The following SLC5A12 variants were observed in gnomAD, a reference collection of about 807,000 sequenced individuals.
The protein encoded by SLC5A12 is solute carrier family 5 member 12, also known as sodium-coupled monocarboxylate transporter 2.
Under a neutral mutation model 72.7 loss-of-function variants are expected in SLC5A12, and 46 were observed. The observed-to-expected ratio is 0.63, with a 90% CI of 0.50 to 0.81. The LOEUF is 0.81. SLC5A12 is among the 30% of genes least tolerant of loss of function. SLC5A12 has a pLI of 0.00. For missense variants in SLC5A12, 683 were observed against 740.7 expected, an observed-to-expected ratio of 0.92 and a Z score of 0.90; for synonymous variants, 275 against 264.4, an observed-to-expected ratio of 1.04 and a Z score of -0.39.
chr11:26,676,440 A>C (rs1590706375), intron 13 of SLC5A12, among the ~76,000 whole-genome samples: 2 of 152,208 alleles, frequency 1.3e-5, no homozygotes, highest in East Asian at 3.9e-4. Context: ...ATATAAAATA[A>C]TAGATTGATA....
intron 11 of SLC5A12, among the ~76,000 whole-genome samples, 180 bp downstream of exon 11, chr11:26,683,577 C>G (rs3924552): frequency 0.37 from 56,118 of 151,992 alleles, 12,598 homozygotes; most frequent in Non-Finnish European, 0.51. Flanking sequence ...TCTTTCATTT[C>G]TGTACCCAGA....
At chr11:26,690,165 AG>A (rs1854632010) in intron 9 of SLC5A12, among the ~76,000 whole-genome samples, 1 of 152,106 alleles carries the variant, frequency 6.6e-6, no homozygotes, top group Non-Finnish European at 1.5e-5. Flanking sequence ...TGGGATGGGG[AG>A]TGGTGGTGGT....
intron 1 of SLC5A12, among the ~76,000 whole-genome samples, chr11:26,714,718 C>T (rs761233878): frequency 7.2e-5 from 11 of 152,036 alleles, no homozygotes; most frequent in Non-Finnish European, 1.0e-4. Flanking sequence ...TATCCTTTCC[C>T]TAGAAACATT....
At chr11:26,679,245 T>G (rs4462290) in intron 12 of SLC5A12, among the ~76,000 whole-genome samples, 143,104 of 152,064 alleles carry the variant, frequency 0.94, 67,959 homozygotes, top group South Asian at 1. Context: ...AGGTATAAAA[T>G]ACTATGGCAG....
intron 4 of SLC5A12, among the ~76,000 whole-genome samples, chr11:26,708,714 T>C (rs1226536747): frequency 6.6e-6 from 1 of 152,098 alleles, no homozygotes; most frequent in Non-Finnish European, 1.5e-5. Flanking sequence ...GCTCAATGAA[T>C]GTTTAACTAA....
Position 26,684,855 on chromosome 11 carries a change from C to A in SLC5A12, c.1222-1012G>T, listed in dbSNP as rs1046408961. ...TTCTTAAGAGTAAATATTATTGTGG[C>A]GCACAAGACATCAGAAGCAACTTGG... On this transcript the variant is annotated intron_variant, in intron 10 of 14. Transcript: ENST00000396005. Among the ~76,000 whole-genome samples, 4 of 152,076 alleles carry A rather than the reference C, an allele frequency of 2.6e-5. No homozygotes were observed. In the South Asian group the frequency reaches 6.2e-4, roughly 24 times the overall value.
chr11:26,669,744 G>T lies in SLC5A12; in HGVS notation c.*1358C>A, dbSNP rs968775253. ...CTTCTTTCAAGGCTTTCTCTTTTGA[G>T]AAATATTTAAAGACAACCTTTGGAT... On this transcript the variant is annotated 3_prime_UTR_variant, in exon 15 of 15. Transcript: ENST00000396005. 1 of 151,906 alleles carries T rather than the reference G, an allele frequency of 6.6e-6. No homozygotes were observed. The highest frequency in any genetic ancestry group is 6.6e-5 in the Admixed American group (1 of 15,224). 9.4% of individuals were successfully genotyped at this position (151,906 alleles called of 1,614,324 possible).
chr11:26,710,172 C>T (rs1354252243), intron 3 of SLC5A12, among the ~76,000 whole-genome samples: 1 of 152,126 alleles, frequency 6.6e-6, no homozygotes, highest in African/African-American at 2.4e-5. Flanking sequence ...CCAGCTTCAT[C>T]CATGTCCCTA....
At position 26,688,779 on chromosome 11, in the gene SLC5A12, G is replaced by A. The variant is rs192694382; in HGVS notation, c.1154-2235C>T. Among the ~76,000 whole-genome samples, 12 of 152,182 alleles carry A rather than the reference G, an allele frequency of 7.9e-5. No homozygotes were observed. The East Asian group carries it at 2.1e-3, about 27-fold the overall frequency. On this transcript the variant is annotated intron_variant, in intron 9 of 14. Transcript: ENST00000396005. The stretch of plus-strand genomic sequence containing the variant: ...AATAAGTTTAGATGAAGATGGATCC[G>A]GGTATGATAAGGAAAAACTGCAAGG...
At chr11:26,717,647 TA>T (rs1458810069) in intron 1 of SLC5A12, among the ~76,000 whole-genome samples, 3 of 152,178 alleles carry the variant, frequency 2.0e-5, no homozygotes, top group Non-Finnish European at 4.4e-5. Flanking sequence ...TATTGCTATA[TA>T]ACACTCGCCT....
At chr11:26,709,576 T>A (rs898676442) in intron 3 of SLC5A12, among the ~76,000 whole-genome samples, 197 bp from the exon 4 acceptor site, 3 of 152,110 alleles carry the variant, frequency 2.0e-5, no homozygotes, top group Admixed American at 2.0e-4. Flanking sequence ...TTCTATCTAG[T>A]CCATACATTT....
chr11:26,671,047 T>TTGTGAGTGTGTGTG lies in SLC5A12; in HGVS notation c.*54_*55insCACACACACTCACA. On this transcript the variant is annotated 3_prime_UTR_variant, in exon 15 of 15. Coordinates refer to ENST00000396005, the MANE Select transcript of SLC5A12 (RefSeq NM_178498.4). ...CAAGTAGGCAAGAAGTATGTGGAGT[T>TTGTGAGTGTGTGTG]TGTGTGTGTGTGTGTGTATTGCACG... 7.4e-7 allele frequency: 1 copy of TTGTGAGTGTGTGTG among 1,354,116 alleles called. No individual in the cohort carries two copies. Among genetic ancestry groups the TTGTGAGTGTGTGTG allele is most frequent in the Non-Finnish European group, 1.0e-6 (1 of 991,516 alleles). 83.9% of individuals were successfully genotyped at this position (1,354,116 alleles called of 1,614,324 possible).
chr11:26,681,466 T>C (rs1854410715), intron 11 of SLC5A12, among the ~76,000 whole-genome samples: 3 of 152,194 alleles, frequency 2.0e-5, no homozygotes, highest in Admixed American at 6.5e-5. Flanking sequence ...TATTTAGATT[T>C]CTAGCAATAA....
chr11:26,709,322 T>C lies in SLC5A12; in HGVS notation c.515A>G (p.Tyr172Cys), dbSNP rs749128478. 3.1e-6 allele frequency: 5 copies of C among 1,610,936 alleles called. No individual in the cohort carries two copies. Among genetic ancestry groups the C allele is most frequent in the African/African-American group, 1.3e-5 (1 of 74,776 alleles). Residue 172 changes from tyrosine (Y) to cysteine (C), a missense_variant, in exon 4 of 15, where the codon TAC (tyrosine) becomes TGC (cysteine). Coordinates refer to ENST00000396005, the MANE Select transcript of SLC5A12 (RefSeq NM_178498.4). ...CAGCTAGATACATACCAGGGTACAG[T>C]AGAATGTGCAAACAATTCCTGTTGC... is the stretch of plus-strand genomic sequence containing the variant. ...VFATGIVCTF[Y>C]CTLGGLKAVV...
rs748100863 is a variant in SLC5A12, at chr11:26,686,516, A to G, written c.1182T>C (p.Ser394=). Residue 394 remains serine, a synonymous_variant, in exon 10 of 15, where the codon TCT becomes TCC. Transcript: ENST00000396005. ...LCLLFGVMCT[S]MAVAASVMGG... ...CCATGACAGATGCAGCCACAGCCAT[A>G]GAGGTACACATCACGCCAAATAAGA... The G allele has an allele frequency of 9.3e-6, 15 of 1,613,934 alleles. No individual in the cohort carries two copies. The highest frequency in any genetic ancestry group is 1.3e-5 in the Non-Finnish European group (15 of 1,179,940).
At chr11:26,693,115 A>T (rs935589105) in intron 8 of SLC5A12, among the ~76,000 whole-genome samples, 8 of 152,218 alleles carry the variant, frequency 5.3e-5, no homozygotes, top group Non-Finnish European at 8.8e-5. Context: ...AACATTTAAC[A>T]ACCAATTATT....
intron 9 of SLC5A12, among the ~76,000 whole-genome samples, chr11:26,689,451 C>T (rs1854614791): frequency 1.3e-5 from 2 of 151,874 alleles, no homozygotes; most frequent in Non-Finnish European, 2.9e-5. Flanking sequence ...ATATAAAATT[C>T]TAGAAGAGGT....
chr11:26,682,851 A>T (rs2133148372), intron 11 of SLC5A12, among the ~76,000 whole-genome samples: 1 of 152,278 alleles, frequency 6.6e-6, no homozygotes, highest in East Asian at 1.9e-4. Context: ...CAGACAAGTG[A>T]TTAAGACTGC....
At chr11:26,703,419 C>A in intron 6 of SLC5A12, 112 bp downstream of exon 6, 1 of 1,114,090 alleles carries the variant, frequency 9.0e-7, no homozygotes, top group East Asian at 2.6e-5. Context: ...CTTACACACA[C>A]ATACATACAC....
Sources: gnomAD v4.1 joint callset for allele counts (sites outside exome capture counted in the v4.1 genomes callset) on GRCh38, gnomAD v4.1.1 for gene constraint, MANE v1.5 for transcripts, NCBI Gene and HGNC (gene_info 2026-07-23, HGNC 2026-07-21) for gene names.